Variants in KCNH2 observed in about 807,000 individuals in gnomAD.
The protein encoded by KCNH2 is voltage-gated inwardly rectifying potassium channel KCNH2.
Under a neutral mutation model 95.9 loss-of-function variants are expected in KCNH2, and 35 were observed. The ratio of observed to expected loss-of-function variants is 0.37; its 90% CI spans 0.28 to 0.48. KCNH2 has a LOEUF of 0.48. Among genes scored for constraint, KCNH2 ranks in the 20% least tolerant of loss-of-function variants. The pLI is 0.99. For synonymous variants in KCNH2, 786 were observed against 754.7 expected, an observed-to-expected ratio of 1.04 and a Z score of -0.68; for missense variants, 1,274 against 1,702.9, an observed-to-expected ratio of 0.75 and a Z score of 4.43.
At chr7:150,959,831 C>G (rs1801506251) in intron 2 of KCNH2, 95 bp from the exon 3 acceptor site, 3 of 1,371,314 alleles carry the variant, frequency 2.2e-6, no homozygotes, top group Admixed American at 1.8e-5. Context: ...GTGGGCCCGT[C>G]CACTTCTGCC....
In KCNH2 at chr7:150,957,492, G is replaced by T. The variant is rs775056804; in HGVS notation, c.927C>A (p.His309Gln). ...AGTTGAGCAAGCCGCTGCGCAGTGG[G>T]TGCATGGCCCCTAGGTGGAGAGGCA... Reference protein sequence around the residue: ...PPRHASTGAMHPLRSGLLNST... With the variant: ...PPRHASTGAMQPLRSGLLNST... The change falls in exon 5 of 15, where the codon CAC (histidine) becomes CAA (glutamine). Residue 309 changes from histidine to glutamine, a missense_variant. Transcript: ENST00000262186. 1 of 1,613,098 alleles carries T rather than the reference G, an allele frequency of 6.2e-7. No individual in the cohort carries two copies. The highest frequency in any genetic ancestry group is 1.1e-5 in the South Asian group (1 of 91,006).
chr7:150,959,906 C>T (rs1327190031), intron 2 of KCNH2, among the ~76,000 whole-genome samples, 170 bp from the exon 3 acceptor site: 2 of 152,180 alleles, frequency 1.3e-5, no homozygotes, highest in African/African-American at 4.8e-5. Context: ...ATGTGCCTGC[C>T]GCCCTTATGG....
Position 150,958,064 on chromosome 7 carries a change from C to A in KCNH2, c.911G>T (p.Ser304Ile), listed in dbSNP as rs2117002336. The A allele has an allele frequency of 7.8e-7, 1 of 1,275,650 alleles. No homozygotes were observed. Among genetic ancestry groups the A allele is most frequent in the African/African-American group, 1.6e-5 (1 of 64,426 alleles). The allele number at this position is 1,275,650 out of a possible 1,614,324, so 79.0% of individuals were successfully genotyped here. The change falls in exon 4 of 15, where the codon AGC becomes ATC. Residue 304 changes from serine (S) to isoleucine (I), a missense_variant. Physicochemically the swap from Ser to Ile is moderately radical, Grantham distance 142 (BLOSUM62 -2). This residue lies in a region of KCNH2 where 392 missense variants were observed against 429.9 expected (regional missense o/e 0.91). Coordinates refer to ENST00000262186, the MANE Select transcript of KCNH2 (RefSeq NM_000238.4). ...GVLPPPPRHA[S>I]TGAMHPLRSG... is the part of the protein sequence containing the mutation. ...GGGTCCCGCGGCGCCCTCACCGGTG[C>A]TGGCGTGGCGCGGTGGCGGGGGCAG...
At chr7:150,955,198 C>T (rs887586) in intron 5 of KCNH2, among the ~76,000 whole-genome samples, 1 of 152,134 alleles carries the variant, frequency 6.6e-6, no homozygotes, top group Non-Finnish European at 1.5e-5. Context: ...GTCCCAGCAA[C>T]GGAAACTCTG....
Position 150,962,582 on chromosome 7 carries a change from C to T in KCNH2, c.308-2846G>A, listed in dbSNP as rs1801594860. Among the ~76,000 whole-genome samples, 1 of 151,778 alleles carries T rather than the reference C, an allele frequency of 6.6e-6. No homozygotes were observed. Among genetic ancestry groups the T allele is most frequent in the Admixed American group, 6.6e-5 (1 of 15,234 alleles). The stretch of plus-strand genomic sequence containing the variant: ...CAGAAACTCTAGGTATACGCCACCT[C>T]ACAGCACAAGCCTGTAACTCACACT... On this transcript the variant is annotated intron_variant, in intron 2 of 14. Coordinates refer to ENST00000262186, the MANE Select transcript of KCNH2 (RefSeq NM_000238.4). This position sits in a 1 kb window ranked among gnomAD's most constrained non-coding sequence, Gnocchi z 5.7.
chr7:150,974,770 G>A lies in KCNH2; in HGVS notation c.248C>T (p.Ala83Val). 2.5e-6 allele frequency: 4 copies of A among 1,606,292 alleles called. No homozygotes were observed. The South Asian group carries it at 4.4e-5, about 18-fold the overall frequency. Residue 83 changes from alanine (A) to valine (V), a missense_variant, in exon 2 of 15, where the codon GCG (alanine) becomes GTG (valine). This residue lies in a region of KCNH2 where 85 missense variants were observed against 174.7 expected (regional missense o/e 0.49). Coordinates refer to ENST00000262186, the MANE Select transcript of KCNH2 (RefSeq NM_000238.4). ...RTQRRAAAQI[A>V]QALLGAEERK... ...CTCCTCGGCGCCCAGCAGTGCCTGCGCGATCTGCGCGGCAGCGCGGCGCTG... is the reference window on the plus strand; with the variant it reads ...CTCCTCGGCGCCCAGCAGTGCCTGCACGATCTGCGCGGCAGCGCGGCGCTG...
intron 5 of KCNH2, among the ~76,000 whole-genome samples, chr7:150,956,249 G>A (rs1006303067): frequency 1.6e-4 from 24 of 152,162 alleles, no homozygotes; most frequent in South Asian, 2.1e-4. Flanking sequence ...AGGGGTAGGT[G>A]GCCAGATAAG....
rs1800885568 is a variant in KCNH2, at chr7:150,946,295, G to C, written c.3330+582C>G. Among the ~76,000 whole-genome samples, 1 of 152,168 alleles carries C rather than the reference G, an allele frequency of 6.6e-6. No homozygotes were observed. Among genetic ancestry groups the C allele is most frequent in the Non-Finnish European group, 1.5e-5 (1 of 68,010 alleles). ...AACTAAGGCCCATCTCTAGCAGAGG[G>C]GGCAAAGCAGGCCCAGGAAGTCCTC... On this transcript the variant is annotated intron_variant, in intron 14 of 14. Transcript: ENST00000262186. This position sits in a 1 kb window ranked among gnomAD's most constrained non-coding sequence, Gnocchi z 6.5.
In KCNH2 at chr7:150,957,362, TGGGC is replaced by T; in HGVS notation, c.1053_1056del (p.Thr353ValfsTer6). The T allele has an allele frequency of 1.9e-6, 3 of 1,613,500 alleles. No individual in the cohort carries two copies. The highest frequency in any genetic ancestry group is 2.5e-6 in the Non-Finnish European group (3 of 1,179,718). ...GGTGCTATGATCTCACGGTCACTGG[TGGGC>T]GAAGCCAAGAAGGGGTCGCCCTTGA... On this transcript the variant is annotated frameshift_variant, in exon 5 of 15. Coordinates refer to ENST00000262186, the MANE Select transcript of KCNH2 (RefSeq NM_000238.4). LOFTEE classifies it high-confidence loss of function.
chr7:150,950,776 C>T, intron 8 of KCNH2, 145 bp downstream of exon 8: 2 of 889,422 alleles, frequency 2.2e-6, no homozygotes, highest in East Asian at 5.3e-5. Context: ...TCCATTTCCT[C>T]ATGGGCAAAA....
intron 2 of KCNH2, among the ~76,000 whole-genome samples, chr7:150,966,381 T>TCC (rs1175607435): frequency 5.4e-5 from 2 of 36,926 alleles, no homozygotes; most frequent in Non-Finnish European, 9.6e-5. Context: ...ATTTGCCCCC[T>TCC]CCCCCCCCCC....
rs1009229961 is a variant in KCNH2, at chr7:150,944,965, C to T, written c.*400G>A. 1.1e-5 allele frequency: 2 copies of T among 183,886 alleles called. No individual in the cohort carries two copies. The highest frequency in any genetic ancestry group is 4.7e-5 in the African/African-American group (2 of 42,556). 11.4% of individuals were successfully genotyped at this position (183,886 alleles called of 1,614,324 possible). A position where few individuals can be genotyped will look rare whatever the true frequency, so the allele number is the denominator to read the frequency against. On this transcript the variant is annotated 3_prime_UTR_variant, in exon 15 of 15. Coordinates refer to ENST00000262186, the MANE Select transcript of KCNH2 (RefSeq NM_000238.4). The stretch of plus-strand genomic sequence containing the variant: ...ACCCTCCCAGCACCACTGGAGTCTC[C>T]TCAGGATAATTATTTATTATTCATA...
Position 150,952,663 on chromosome 7 carries a change from G to A in KCNH2, c.1319C>T (p.Pro440Leu), listed in dbSNP as rs199473509. The A allele has an allele frequency of 1.8e-5, 29 of 1,614,034 alleles. No homozygotes were observed. The highest frequency in any genetic ancestry group is 3.3e-5 in the Admixed American group (2 of 60,004). The change falls in exon 6 of 15, where the codon CCG becomes CTG. Residue 440 changes from proline (P) to leucine (L), a missense_variant. Around this residue, in one of 7 missense-constraint regions of KCNH2, gnomAD observed 147 missense variants for 344.4 expected, o/e 0.43. Coordinates refer to ENST00000262186, the MANE Select transcript of KCNH2 (RefSeq NM_000238.4). The surrounding 1 kb of genome is among the most constrained non-coding windows in gnomAD (Gnocchi z 7.3). The stretch of plus-strand genomic sequence containing the variant: ...GGCGTAGCCACACTCGGTAGCAGGC[G>A]GGCCTTCTTCCGTCTCCTTCAGCAG... The part of the protein sequence containing the change: ...AFLLKETEEG[P>L]PATECGYACQ...
At chr7:150,953,578 C>T (rs541901734) in intron 5 of KCNH2, among the ~76,000 whole-genome samples, 271 of 152,280 alleles carry the variant, frequency 1.8e-3, no homozygotes, top group African/African-American at 6.3e-3. Context: ...ACACACAGCC[C>T]CTGTACCAGC....
At position 150,951,850 on chromosome 7, in the gene KCNH2, A is replaced by C; in HGVS notation, c.1558-15T>G. 2 of 1,556,796 alleles carry C rather than the reference A, an allele frequency of 1.3e-6. No individual in the cohort carries two copies. The highest frequency in any genetic ancestry group is 2.7e-5 in the African/African-American group (2 of 74,246). On this transcript the variant is annotated splice_polypyrimidine_tract_variant and intron_variant, in intron 6 of 14. Coordinates refer to ENST00000262186, the MANE Select transcript of KCNH2 (RefSeq NM_000238.4). Reference sequence around the variant, plus strand: ...AGCCCGATCAGCTGGGGGACAGGGAAGGGGCACATTCCGTTGATGGGGCAA... The same window carrying C: ...AGCCCGATCAGCTGGGGGACAGGGACGGGGCACATTCCGTTGATGGGGCAA...
At chr7:150,949,126 C>G in intron 9 of KCNH2, 77 bp from the exon 10 acceptor site, 1 of 1,376,178 alleles carries the variant, frequency 7.3e-7, no homozygotes, top group Non-Finnish European at 1.0e-6. Flanking sequence ...TCCCGGCATC[C>G]CCACCCCGGG....
chr7:150,974,667 T>G, intron 2 of KCNH2, 44 bp downstream of exon 2: 9 of 827,316 alleles, frequency 1.1e-5, no homozygotes, highest in South Asian at 1.5e-5. Context: ...CCCGCCCCTC[T>G]TGACCCCGCC....
chr7:150,958,286 T>A lies in KCNH2; in HGVS notation c.689A>T (p.Glu230Val). The change falls in exon 4 of 15, where the codon GAG (glutamate) becomes GTG (valine). Residue 230 changes from glutamate to valine, a missense_variant. Around this residue, in one of 7 missense-constraint regions of KCNH2, gnomAD observed 392 missense variants for 429.9 expected, o/e 0.91. Coordinates refer to ENST00000262186, the MANE Select transcript of KCNH2 (RefSeq NM_000238.4). ...GCCGGGACCCACCAGCGCACGCCGC[T>A]CCTCCGCGGGCCCGAGCCCTGCCAC... The part of the protein sequence containing the change: ...NHVAGLGPAE[E>V]RRALVGPGSP... The A allele has an allele frequency of 6.8e-7, 1 of 1,461,610 alleles. No individual in the cohort carries two copies. The highest frequency in any genetic ancestry group is 9.0e-7 in the Non-Finnish European group (1 of 1,111,114). 90.5% of individuals were successfully genotyped at this position (1,461,610 alleles called of 1,614,324 possible). A position where few individuals can be genotyped will look rare whatever the true frequency, so the allele number is the denominator to read the frequency against.
At chr7:150,957,817 C>T (rs1801428798) in intron 4 of KCNH2, among the ~76,000 whole-genome samples, 1 of 152,220 alleles carries the variant, frequency 6.6e-6, no homozygotes, top group African/African-American at 2.4e-5. Context: ...CCAGGCCGTC[C>T]CGGGACAGCC....
Sources: gnomAD v4.1 joint callset for allele counts (sites outside exome capture counted in the v4.1 genomes callset) on GRCh38, gnomAD v4.1.1 for gene constraint, gnomAD v4.1.1 regional missense constraint, Gnocchi (gnomAD v3.1) non-coding constraint, MANE v1.5 for transcripts, NCBI Gene and HGNC (gene_info 2026-07-23, HGNC 2026-07-21) for gene names.